GAPDHS: variants seen among roughly 807,000 people sequenced by gnomAD.
GAPDHS encodes glyceraldehyde-3-phosphate dehydrogenase, spermatogenic, also known as glyceraldehyde-3-phosphate dehydrogenase, testis-specific.
A neutral mutation model predicts 48.7 loss-of-function variants in GAPDHS; 42 were observed. The ratio of observed to expected loss-of-function variants is 0.86; its 90% CI spans 0.67 to 1.12. The LOEUF is 1.12. Among genes scored for constraint, GAPDHS ranks in the 50% most tolerant of loss-of-function variants. The pLI is 0.00. For missense variants in GAPDHS, 512 were observed against 557.7 expected, an observed-to-expected ratio of 0.92 and a Z score of 0.82; for synonymous variants, 166 against 219.1, an observed-to-expected ratio of 0.76 and a Z score of 2.14.
chr19:35,538,320 G>A lies in GAPDHS; in HGVS notation c.259G>A (p.Gly87Ser), dbSNP rs145953617. 2.7e-5 allele frequency: 44 copies of A among 1,612,948 alleles called. No homozygotes were observed. Among genetic ancestry groups the A allele is most frequent in the South Asian group, 1.4e-4 (13 of 90,874 alleles). Residue 87 changes from glycine to serine, a missense_variant, in exon 3 of 11, where the codon GGT becomes AGT. By Grantham distance (56) the Gly-to-Ser change is moderately conservative. Transcript: ENST00000222286. ...GTCCCTGGCCAGATTTGGACGCATC[G>A]GTCGCCTGGTCCTGCGCGCCTGCAT... is the stretch of plus-strand genomic sequence containing the variant. ...TVGINGFGRI[G>S]RLVLRACMEK...
chr19:35,535,544 C>G (rs1600129352), intron 1 of GAPDHS, among the ~76,000 whole-genome samples: 1 of 152,014 alleles, frequency 6.6e-6, no homozygotes, highest in East Asian at 1.9e-4. Context: ...GCCACCACGC[C>G]TGGCTAATTT....
At chr19:35,535,434 G>A (rs2071459359) in intron 1 of GAPDHS, among the ~76,000 whole-genome samples, 1 of 152,088 alleles carries the variant, frequency 6.6e-6, no homozygotes, top group Admixed American at 6.5e-5. Flanking sequence ...TGCCCAGGCT[G>A]GAGTGCAGTG....
chr19:35,535,894 C>T (rs576368944), intron 1 of GAPDHS, among the ~76,000 whole-genome samples: 4 of 151,832 alleles, frequency 2.6e-5, no homozygotes, highest in South Asian at 2.1e-4. Flanking sequence ...CTCAGCCCCC[C>T]GAGGAGCTGG....
chr19:35,535,488 G>A (rs916059327), intron 1 of GAPDHS, among the ~76,000 whole-genome samples: 11 of 151,848 alleles, frequency 7.2e-5, no homozygotes, highest in African/African-American at 2.4e-4. Context: ...GGGTTCAAGC[G>A]ATTCTCCTGC....
rs769330216 is a variant in GAPDHS at position 35,538,676 on chromosome 19, T to A, written c.442T>A (p.Tyr148Asn). Reference protein sequence around the residue: ...LVVDNHEISVYQCKEPKQIPW... With the variant: ...LVVDNHEISVNQCKEPKQIPW... ...CGTGGACAACCATGAGATCTCTGTC[T>A]ACCAGTGGTAAGGAAAGCATCTGTC... is the stretch of plus-strand genomic sequence containing the variant. Residue 148 changes from tyrosine to asparagine, a missense_variant, in exon 4 of 11, where the codon TAC (tyrosine) becomes AAC (asparagine). By Grantham distance (143) the Tyr-to-Asn change is moderately radical (BLOSUM62 -2). Coordinates refer to ENST00000222286, the MANE Select transcript of GAPDHS (RefSeq NM_014364.5). 3 of 1,561,390 alleles carry A rather than the reference T, an allele frequency of 1.9e-6. No individual in the cohort carries two copies. Among genetic ancestry groups the A allele is most frequent in the Non-Finnish European group, 2.7e-6 (3 of 1,131,930 alleles).
At chr19:35,541,481 T>C (rs1485976488) in intron 4 of GAPDHS, 1 of 150,854 alleles carries the variant, frequency 6.6e-6, no homozygotes, top group Non-Finnish European at 1.5e-5. Flanking sequence ...CCCACAAACA[T>C]TGATTGAACC....
At chr19:35,534,700 C>A (rs1401754788) in intron 1 of GAPDHS, among the ~76,000 whole-genome samples, 2 of 152,136 alleles carry the variant, frequency 1.3e-5, no homozygotes, top group South Asian at 2.1e-4. Context: ...GCAGAAACAA[C>A]CCCCAAGGAT....
At chr19:35,533,619 G>A (rs1600128268) in intron 1 of GAPDHS, 25 bp downstream of exon 1, 3 of 1,586,922 alleles carry the variant, frequency 1.9e-6, no homozygotes, top group Non-Finnish European at 2.6e-6. Flanking sequence ...GGAGGGCGCG[G>A]GGGAGGGGTG....
intron 8 of GAPDHS, 81 bp from the exon 9 acceptor site, chr19:35,543,584 C>T (rs2071521348): frequency 6.3e-7 from 1 of 1,579,536 alleles, no homozygotes; most frequent in Admixed American, 1.8e-5. Flanking sequence ...AAGCAGGGGC[C>T]TGGCCCAGCC....
chr19:35,543,196 C>A, intron 7 of GAPDHS, 144 bp from the exon 8 acceptor site: 2 of 1,098,244 alleles, frequency 1.8e-6, no homozygotes, highest in Non-Finnish European at 2.8e-6. Flanking sequence ...AAGGCTGGAC[C>A]CTGGCCTGCA....
chr19:35,535,531 T>C (rs2071460153), intron 1 of GAPDHS, among the ~76,000 whole-genome samples: 2 of 151,942 alleles, frequency 1.3e-5, no homozygotes, highest in Non-Finnish European at 2.9e-5. Flanking sequence ...ATTACAAGCA[T>C]GTGCCACCAC....
At chr19:35,535,242 G>A (rs561780354) in intron 1 of GAPDHS, among the ~76,000 whole-genome samples, 1 of 152,190 alleles carries the variant, frequency 6.6e-6, no homozygotes, top group Non-Finnish European at 1.5e-5. Flanking sequence ...TCCAGGCGCA[G>A]GTGTTTTTAA....
intron 4 of GAPDHS, 46 bp from the exon 5 acceptor site, chr19:35,542,273 G>T: frequency 7.7e-7 from 1 of 1,294,690 alleles, no homozygotes; most frequent in South Asian, 1.2e-5. Flanking sequence ...TATGAAGGTG[G>T]GGCTCAAGCA....
chr19:35,536,799 C>A lies in GAPDHS; in HGVS notation c.68-14C>A. On this transcript the variant is annotated splice_polypyrimidine_tract_variant and intron_variant, in intron 1 of 10. Coordinates refer to ENST00000222286, the MANE Select transcript of GAPDHS (RefSeq NM_014364.5). Reference sequence around the variant, plus strand: ...GGTGGTCATGCAACCCATTCCCTCCCTTCCCCCGCATAGTGACCAGAGCAC... The same window carrying A: ...GGTGGTCATGCAACCCATTCCCTCCATTCCCCCGCATAGTGACCAGAGCAC... The A allele has an allele frequency of 6.3e-7, 1 of 1,581,826 alleles. No individual in the cohort carries two copies. The highest frequency in any genetic ancestry group is 1.7e-5 in the Admixed American group (1 of 57,992).
Position 35,542,564 on chromosome 19 carries a change from TG to T in GAPDHS, c.616del (p.Val206SerfsTer11). 1 of 1,613,770 alleles carries T rather than the reference TG, an allele frequency of 6.2e-7. No homozygotes were observed. The highest frequency in any genetic ancestry group is 8.5e-7 in the Non-Finnish European group (1 of 1,179,706). ...CGGATGCACCAATGTTCGTCATGGG[TG>T]TCAATGAAAATGACTATAACCCTGG... is the stretch of plus-strand genomic sequence containing the variant. ...SPDAPMFVMG[V>X]NENDYNPGSM... On this transcript the variant is annotated frameshift_variant, in exon 6 of 11. Coordinates refer to ENST00000222286, the MANE Select transcript of GAPDHS (RefSeq NM_014364.5). LOFTEE classifies it high-confidence loss of function.
At chr19:35,543,958 G>A (rs2071525755) in intron 9 of GAPDHS, 131 bp downstream of exon 9, 1 of 1,420,222 alleles carries the variant, frequency 7.0e-7, no homozygotes, top group East Asian at 2.5e-5. Flanking sequence ...CCCTGCCTCA[G>A]GGCCTTTGCA....
At chr19:35,533,743 AC>A in intron 1 of GAPDHS, 149 bp downstream of exon 1, 1 of 596,060 alleles carries the variant, frequency 1.7e-6, no homozygotes, top group Non-Finnish European at 2.9e-6. Context: ...CTCCCTCCAC[AC>A]CCGCCAGTGT....
At chr19:35,537,049 C>A in intron 2 of GAPDHS, 59 bp downstream of exon 2, 1 of 1,382,886 alleles carries the variant, frequency 7.2e-7, no homozygotes, top group Non-Finnish European at 9.9e-7. Flanking sequence ...CCTCCTCTGG[C>A]TGCTAACTGG....
chr19:35,533,837 G>A (rs978572962), intron 1 of GAPDHS, among the ~76,000 whole-genome samples: 1 of 152,202 alleles, frequency 6.6e-6, no homozygotes, highest in Non-Finnish European at 1.5e-5. Flanking sequence ...CCGCTATCAC[G>A]CGGTAGAAAG....
Sources: gnomAD v4.1 joint callset for allele counts (sites outside exome capture counted in the v4.1 genomes callset) on GRCh38, gnomAD v4.1.1 for gene constraint, MANE v1.5 for transcripts, NCBI Gene and HGNC (gene_info 2026-07-23, HGNC 2026-07-21) for gene names.